PAPPA2: variants seen among roughly 807,000 people sequenced by gnomAD.
PAPPA2 encodes pappalysin-2.
In PAPPA2, 86 loss-of-function variants were observed where a neutral mutation model predicts 176.4. That is an observed-to-expected ratio of 0.49 (90% CI 0.41 to 0.58). The LOEUF is 0.58. Among genes scored for constraint, PAPPA2 ranks in the 20% least tolerant of loss-of-function variants. The pLI is 0.00. For missense variants in PAPPA2, 2,073 were observed against 2,256.9 expected (o/e 0.92, Z 1.65); for synonymous variants, 809 against 852.2 (o/e 0.95, Z 0.88).
chr1:176,591,780 T>G (rs1405558809), intron 2 of PAPPA2, among the ~76,000 whole-genome samples: 3 of 152,238 alleles, frequency 2.0e-5, no homozygotes, highest in Non-Finnish European at 4.4e-5. Context: ...CACTGTTGCA[T>G]AGGCACCTTG....
At chr1:176,504,003 A>G (rs1648109472) in intron 1 of PAPPA2, among the ~76,000 whole-genome samples, 1 of 152,160 alleles carries the variant, frequency 6.6e-6, no homozygotes, top group Admixed American at 6.6e-5. Context: ...TGAAAGTTTT[A>G]TTTCATGTAC....
intron 7 of PAPPA2, among the ~76,000 whole-genome samples, chr1:176,696,700 T>C (rs184762152): frequency 6.6e-6 from 1 of 152,340 alleles, no homozygotes; most frequent in East Asian, 1.9e-4. Flanking sequence ...CTAATTATCA[T>C]CTTTTTTCTT....
At chr1:176,684,343 C>T (rs1054280420) in intron 4 of PAPPA2, among the ~76,000 whole-genome samples, 4 of 152,170 alleles carry the variant, frequency 2.6e-5, no homozygotes, top group East Asian at 3.9e-4. Flanking sequence ...GTTATCAGTC[C>T]GTCGACAGCC....
At chr1:176,697,427 A>G (rs1660437368) in intron 7 of PAPPA2, among the ~76,000 whole-genome samples, 2 of 152,204 alleles carry the variant, frequency 1.3e-5, no homozygotes, top group Non-Finnish European at 2.9e-5. Context: ...AACTAAGTAT[A>G]TATGATTAAT....
At chr1:176,612,773 A>G (rs868865490) in intron 3 of PAPPA2, among the ~76,000 whole-genome samples, 3 of 152,210 alleles carry the variant, frequency 2.0e-5, no homozygotes, top group South Asian at 2.1e-4. Flanking sequence ...CCTAAGTGCA[A>G]GAAAAAGGCC....
chr1:176,809,388 C>T (rs544351735), intron 21 of PAPPA2, among the ~76,000 whole-genome samples: 2 of 152,324 alleles, frequency 1.3e-5, no homozygotes, highest in East Asian at 3.9e-4. Flanking sequence ...ATTGTTTTTA[C>T]ACATTTAGTA....
intron 14 of PAPPA2, among the ~76,000 whole-genome samples, chr1:176,762,824 T>G (rs1480425523): frequency 6.6e-6 from 1 of 152,206 alleles, no homozygotes; most frequent in East Asian, 1.9e-4. Context: ...CCCCACCTTA[T>G]ATATTTCTTC....
chr1:176,504,252 T>A (rs557653312), intron 1 of PAPPA2, among the ~76,000 whole-genome samples: 179 of 152,234 alleles, frequency 1.2e-3, no homozygotes, highest in African/African-American at 4.1e-3. Context: ...AAAGAGTGTA[T>A]AATATGAATA....
chr1:176,542,298 T>C (rs1011988039), intron 1 of PAPPA2, among the ~76,000 whole-genome samples: 21 of 152,074 alleles, frequency 1.4e-4, no homozygotes, highest in African/African-American at 5.1e-4. Flanking sequence ...TAGGAAAGGA[T>C]TAATTATTTG....
intron 3 of PAPPA2, among the ~76,000 whole-genome samples, chr1:176,669,724 T>G (rs746142740): frequency 3.3e-5 from 5 of 152,226 alleles, no homozygotes; most frequent in Non-Finnish European, 5.9e-5. Flanking sequence ...TTTTTGGTTC[T>G]GTTCCAAAAA....
At position 176,621,188 on chromosome 1, in the gene PAPPA2, G is replaced by A. The variant is rs1390025140; in HGVS notation, c.1991+25593G>A. On this transcript the variant is annotated intron_variant, in intron 3 of 22. Coordinates refer to ENST00000367662, the MANE Select transcript of PAPPA2 (RefSeq NM_020318.3). ...TTAATAACTTAATCTATTCTTCTGA[G>A]GTTGAGGACATCTGGTAATCATTGA... 2.0e-5 allele frequency among the ~76,000 whole-genome samples: 3 copies of A among 152,200 alleles called. No individual in the cohort carries two copies. In the East Asian group the frequency reaches 5.8e-4, roughly 29 times the overall value.
At chr1:176,676,629 A>G (rs35691414) in intron 4 of PAPPA2, among the ~76,000 whole-genome samples, 26,538 of 152,060 alleles carry the variant, frequency 0.17, 2,473 homozygotes, top group Middle Eastern at 0.23. Context: ...TGTGTGACAT[A>G]AAGGATAGCA....
chr1:176,670,295 C>A lies in PAPPA2; in HGVS notation c.1992-675C>A, dbSNP rs551169676. Among the ~76,000 whole-genome samples, 3 of 152,098 alleles carry A rather than the reference C, an allele frequency of 2.0e-5. No individual in the cohort carries two copies. The South Asian group carries it at 6.2e-4, about 32-fold the overall frequency. ...GTGCATCAATGCAAACATAATATTT[C>A]CTAGTGCTTTCAAAGTCACCAATAA... On this transcript the variant is annotated intron_variant, in intron 3 of 22. Coordinates refer to ENST00000367662, the MANE Select transcript of PAPPA2 (RefSeq NM_020318.3).
intron 1 of PAPPA2, among the ~76,000 whole-genome samples, chr1:176,553,945 T>C (rs1558432030): frequency 6.6e-6 from 1 of 151,440 alleles, no homozygotes; most frequent in South Asian, 2.1e-4. Context: ...AGAGCCCTAA[T>C]CTTTATTCTT....
intron 1 of PAPPA2, among the ~76,000 whole-genome samples, chr1:176,488,597 G>T (rs1652751642): frequency 6.6e-6 from 1 of 152,030 alleles, no homozygotes; most frequent in East Asian, 1.9e-4. Flanking sequence ...CTTTATATAG[G>T]GTTCAGATGC....
At chr1:176,623,716 T>TTCTTTCTTTCTA in intron 3 of PAPPA2, among the ~76,000 whole-genome samples, 1 of 144,104 alleles carries the variant, frequency 6.9e-6, no homozygotes, top group African/African-American at 2.6e-5. Context: ...CTTTTCTTCT[T>TTCTTTCTTTCTA]TCTTTCTTTC....
At chr1:176,557,843 T>C (rs1184997635) in intron 2 of PAPPA2, among the ~76,000 whole-genome samples, 1 of 152,102 alleles carries the variant, frequency 6.6e-6, no homozygotes, top group Non-Finnish European at 1.5e-5. Context: ...AACAGTAGGG[T>C]CCACTGGAAA....
At chr1:176,535,101 G>T (rs767179441) in intron 1 of PAPPA2, among the ~76,000 whole-genome samples, 2 of 152,090 alleles carry the variant, frequency 1.3e-5, no homozygotes, top group Non-Finnish European at 2.9e-5. Flanking sequence ...ACAGGGTGGA[G>T]AAAAATGGGA....
chr1:176,463,502 G>C (rs1039525425), intron 1 of PAPPA2, 84 bp downstream of exon 1: 1 of 152,318 alleles, frequency 6.6e-6, no homozygotes, highest in Non-Finnish European at 1.5e-5. Context: ...CTTGGCTTGT[G>C]CAGGGGGGTG....
Sources: gnomAD v4.1 joint callset for allele counts (sites outside exome capture counted in the v4.1 genomes callset) on GRCh38, gnomAD v4.1.1 for gene constraint, MANE v1.5 for transcripts, NCBI Gene and HGNC (gene_info 2026-07-23, HGNC 2026-07-21) for gene names.